The following SPTLC1 variants were observed in gnomAD, a reference collection of about 807,000 sequenced individuals.
The protein encoded by SPTLC1 is serine palmitoyltransferase long chain base subunit 1.
SPTLC1 carries 55 observed loss-of-function variants against 68.9 expected under a neutral mutation model. The observed-to-expected ratio is 0.80, with a 90% CI of 0.64 to 1.00. The LOEUF is 1.00. Among genes scored for constraint, SPTLC1 ranks in the 50% least tolerant of loss-of-function variants. The pLI is 0.00. For synonymous variants in SPTLC1, 197 were observed against 201.6 expected (o/e 0.98, Z 0.19); for missense variants, 449 against 573.1 (o/e 0.78, Z 2.21).
At chr9:92,095,142 T>C (rs758931990) in intron 3 of SPTLC1, among the ~76,000 whole-genome samples, 26 of 152,070 alleles carry the variant, frequency 1.7e-4, no homozygotes, top group Non-Finnish European at 3.4e-4. Context: ...GTAAAAGATA[T>C]GAAGAGGCAT....
chr9:92,036,398 G>A (rs1255437145), intron 13 of SPTLC1, among the ~76,000 whole-genome samples: 1 of 152,240 alleles, frequency 6.6e-6, no homozygotes, highest in Non-Finnish European at 1.5e-5. Flanking sequence ...TTGGTACAAA[G>A]CAGTAGTAAG....
In SPTLC1 at chr9:92,114,244, G is replaced by A. The variant is rs192609106; in HGVS notation, c.57+1070C>T. ...GATCGCACCACTGCACTCTAGCCTG[G>A]GCGACAGAGTGAAACCCTGTCTTTA... On this transcript the variant is annotated intron_variant, in intron 1 of 14. Transcript: ENST00000262554. Among the ~76,000 whole-genome samples the A allele has an allele frequency of 3.9e-5, 6 of 152,210 alleles. No homozygotes were observed. In the East Asian group the frequency reaches 1.2e-3, roughly 29 times the overall value.
chr9:92,056,058 T>A (rs1034217352), intron 7 of SPTLC1, among the ~76,000 whole-genome samples: 1 of 152,222 alleles, frequency 6.6e-6, no homozygotes, highest in Non-Finnish European at 1.5e-5. Context: ...TTCCTTCTTA[T>A]ATGTTGGCAT....
chr9:92,108,555 T>C, intron 3 of SPTLC1, 185 bp downstream of exon 3: 1 of 754,038 alleles, frequency 1.3e-6, no homozygotes, highest in Non-Finnish European at 2.1e-6. Context: ...ATTGGAGATT[T>C]TAAAAAATGC....
chr9:92,060,463 C>T (rs1834050607), intron 6 of SPTLC1, among the ~76,000 whole-genome samples: 2 of 152,040 alleles, frequency 1.3e-5, no homozygotes, highest in African/African-American at 4.8e-5. Flanking sequence ...AATAAAAAGC[C>T]TCAGTGATGA....
intron 7 of SPTLC1, among the ~76,000 whole-genome samples, chr9:92,056,615 T>A (rs1045923322): frequency 1.3e-5 from 2 of 152,208 alleles, no homozygotes; most frequent in Admixed American, 1.3e-4. Context: ...TGTACATGGT[T>A]CAGGTGTGTG....
intron 3 of SPTLC1, among the ~76,000 whole-genome samples, chr9:92,097,398 T>C (rs1003697806): frequency 1.3e-5 from 2 of 152,264 alleles, no homozygotes; most frequent in African/African-American, 4.8e-5. Context: ...ATTTTTTATT[T>C]TTTCATATAC....
At chr9:92,038,435 T>C (rs2118374346) in intron 12 of SPTLC1, 70 bp from the exon 13 acceptor site, 1 of 998,514 alleles carries the variant, frequency 1.0e-6, no homozygotes, top group Non-Finnish European at 1.6e-6. Context: ...GGAGAAATAA[T>C]GTTAGAAGTC....
Position 92,105,703 on chromosome 9 carries a change from C to G in SPTLC1, c.260+3037G>C, listed in dbSNP as rs571847575. Among the ~76,000 whole-genome samples the G allele has an allele frequency of 4.5e-5, 6 of 131,928 alleles. No homozygotes were observed. In the South Asian group the frequency reaches 1.3e-3, roughly 28 times the overall value. 86.5% of individuals were successfully genotyped at this position (131,928 alleles called of 152,430 possible). ...GGCCCCCACCCTCTCTGGGAAGTGACGAGTGCCTCTGCCTGGCCGCCTCAC... is the reference window on the plus strand; with the variant it reads ...GGCCCCCACCCTCTCTGGGAAGTGAGGAGTGCCTCTGCCTGGCCGCCTCAC... On this transcript the variant is annotated intron_variant, in intron 3 of 14. Coordinates refer to ENST00000262554, the MANE Select transcript of SPTLC1 (RefSeq NM_006415.4).
Position 92,032,426 on chromosome 9 carries a change from C to A in SPTLC1, c.*39G>T, listed in dbSNP as rs370307230. ...CAGCGGGAGTCTTGAGTCCTCTCTGCGTGTTGTGTGGCAGGAGGCCATGGT... is the reference window on the plus strand; with the variant it reads ...CAGCGGGAGTCTTGAGTCCTCTCTGAGTGTTGTGTGGCAGGAGGCCATGGT... On this transcript the variant is annotated 3_prime_UTR_variant, in exon 15 of 15. Transcript: ENST00000262554. 2 of 1,613,842 alleles carry A rather than the reference C, an allele frequency of 1.2e-6. No individual in the cohort carries two copies. The highest frequency in any genetic ancestry group is 1.7e-5 in the Admixed American group (1 of 59,990).
At chr9:92,085,078 A>G (rs998279272) in intron 3 of SPTLC1, among the ~76,000 whole-genome samples, 2,404 of 150,256 alleles carry the variant, frequency 0.016, 30 homozygotes, top group African/African-American at 0.056. Flanking sequence ...CTGTGGGATC[A>G]GTGGTGATAT....
At chr9:92,086,276 CCT>C (rs1835126501) in intron 3 of SPTLC1, among the ~76,000 whole-genome samples, 1 of 151,732 alleles carries the variant, frequency 6.6e-6, no homozygotes, top group Non-Finnish European at 1.5e-5. Context: ...TGAATTTGAT[CCT>C]GTCATTATGA....
At chr9:92,057,830 A>G (rs900986273) in intron 7 of SPTLC1, among the ~76,000 whole-genome samples, 3 of 152,238 alleles carry the variant, frequency 2.0e-5, no homozygotes, top group African/African-American at 7.2e-5. Flanking sequence ...GAAAAATATA[A>G]ATTAGTAAAA....
rs377390269 is a variant in SPTLC1, at chr9:92,043,073, C to A, written c.1136+2926G>T. On this transcript the variant is annotated intron_variant, in intron 12 of 14. Transcript: ENST00000262554. Reference sequence around the variant, plus strand: ...AAACAGTCATCTAGGCCGTGTCCACCTGTCTGGAACCTCCTTCAAGCAGGC... The same window carrying A: ...AAACAGTCATCTAGGCCGTGTCCACATGTCTGGAACCTCCTTCAAGCAGGC... Among the ~76,000 whole-genome samples, 9 of 152,314 alleles carry A rather than the reference C, an allele frequency of 5.9e-5. No homozygotes were observed. The East Asian group carries it at 1.7e-3, about 29-fold the overall frequency.
chr9:92,079,694 A>G (rs1232540030), intron 5 of SPTLC1: 4 of 843,004 alleles, frequency 4.7e-6, no homozygotes, highest in Admixed American at 1.8e-5. Flanking sequence ...TTCCGCTCTC[A>G]TCAGTGGACT....
chr9:92,087,490 G>A (rs545026759), intron 3 of SPTLC1, among the ~76,000 whole-genome samples: 1 of 152,226 alleles, frequency 6.6e-6, no homozygotes, highest in African/African-American at 2.4e-5. Flanking sequence ...AGGTCTGTTG[G>A]AGTTTGCTAG....
chr9:92,069,247 A>G (rs1435637549), intron 5 of SPTLC1, among the ~76,000 whole-genome samples: 2 of 152,230 alleles, frequency 1.3e-5, no homozygotes, highest in Admixed American at 6.5e-5. Context: ...CAGACTTCCT[A>G]AAGAACGTTA....
At chr9:92,099,905 C>T (rs917349329) in intron 3 of SPTLC1, among the ~76,000 whole-genome samples, 3 of 152,088 alleles carry the variant, frequency 2.0e-5, no homozygotes, top group African/African-American at 7.2e-5. Context: ...ATAGGCTATA[C>T]CATATAGTCT....
rs754199444 is a variant in SPTLC1 at position 92,112,441 on chromosome 9, A to G, written c.165+14T>C. 6.5e-7 allele frequency: 1 copy of G among 1,536,208 alleles called. No individual in the cohort carries two copies. The stretch of plus-strand genomic sequence containing the variant: ...CACATACCCAATAATTAAAACAGAG[A>G]TTTAATTTCGTACCTTGACTGTAAG... On this transcript the variant is annotated intron_variant, in intron 2 of 14. Coordinates refer to ENST00000262554, the MANE Select transcript of SPTLC1 (RefSeq NM_006415.4).
Sources: gnomAD v4.1 joint callset for allele counts (sites outside exome capture counted in the v4.1 genomes callset) on GRCh38, gnomAD v4.1.1 for gene constraint, MANE v1.5 for transcripts, NCBI Gene and HGNC (gene_info 2026-07-23, HGNC 2026-07-21) for gene names.